BABAM2: variants seen among roughly 807,000 people sequenced by gnomAD.
BABAM2 encodes the protein BRISC and BRCA1 A complex member 2.
A neutral mutation model predicts 54.7 loss-of-function variants in BABAM2; 31 were observed. The observed-to-expected ratio is 0.57, with a 90% CI of 0.43 to 0.77. The LOEUF (loss-of-function observed/expected upper bound fraction) is 0.77, where lower values mean the gene tolerates loss of function less well. BABAM2 is among the 30% of genes least tolerant of loss of function. The pLI is 0.00. For missense variants in BABAM2, 364 were observed against 455.8 expected, an observed-to-expected ratio of 0.80 and a Z score of 1.83; for synonymous variants, 167 against 162.9, an observed-to-expected ratio of 1.03 and a Z score of -0.19.
chr2:27,912,733 A>G (rs909361578), intron 2 of BABAM2, among the ~76,000 whole-genome samples: 1 of 152,202 alleles, frequency 6.6e-6, no homozygotes, highest in Non-Finnish European at 1.5e-5. Context: ...GACCCCTTCA[A>G]ACTGGCTTGT....
intron 6 of BABAM2, among the ~76,000 whole-genome samples, chr2:28,126,986 G>T (rs1404883599): frequency 6.6e-6 from 1 of 151,060 alleles, no homozygotes; most frequent in Non-Finnish European, 1.5e-5. Context: ...TTTTTGATGG[G>T]GTTGTTTTTT....
chr2:28,050,200 G>T (rs531902899), intron 6 of BABAM2, among the ~76,000 whole-genome samples: 1 of 152,286 alleles, frequency 6.6e-6, no homozygotes, highest in South Asian at 2.1e-4. Context: ...TGTTGATGTT[G>T]TTGTTAATAT....
chr2:28,212,252 A>T (rs1163008516), intron 7 of BABAM2, among the ~76,000 whole-genome samples: 1 of 152,234 alleles, frequency 6.6e-6, no homozygotes, highest in East Asian at 1.9e-4. Flanking sequence ...CCATTCATTT[A>T]TTCAGCATTT....
In BABAM2 at chr2:28,122,726, G is replaced by A. The variant is rs966721111; in HGVS notation, c.571-6545G>A. Among the ~76,000 whole-genome samples the A allele has an allele frequency of 2.0e-5, 3 of 152,262 alleles. No individual in the cohort carries two copies. The Middle Eastern group carries it at 0.01, about 518-fold the overall frequency. On this transcript the variant is annotated intron_variant, in intron 6 of 11. Coordinates refer to ENST00000379624, the MANE Select transcript of BABAM2 (RefSeq NM_199191.3). ...ACTTGGGATAATTAGCATATCAAAG[G>A]AGTAGAGCATAATGATAAATTGTAC...
intron 7 of BABAM2, among the ~76,000 whole-genome samples, chr2:28,139,127 T>C (rs13384961): frequency 0.25 from 37,229 of 151,684 alleles, 4,763 homozygotes; most frequent in South Asian, 0.47. Context: ...AGTGTAACTA[T>C]GTTTAAACAT....
At chr2:28,254,154 T>A (rs991936130) in intron 10 of BABAM2, among the ~76,000 whole-genome samples, 6 of 152,060 alleles carry the variant, frequency 3.9e-5, no homozygotes, top group African/African-American at 1.4e-4. Context: ...GTTGGAGGAG[T>A]AGGAACTGTG....
Position 28,298,365 on chromosome 2 carries a change from A to T in BABAM2, c.962A>T (p.Asp321Val), listed in dbSNP as rs1299846870. ...HIDLPLFFPR[D>V]QPTLTFQSVY... ...GACCTGCCTCTGTTTTTCCCTCGAGACCAGCCAACTCTCACATTTCAGTCC... is the reference window on the plus strand; with the variant it reads ...GACCTGCCTCTGTTTTTCCCTCGAGTCCAGCCAACTCTCACATTTCAGTCC... The change falls in exon 11 of 12, where the codon GAC (aspartate) becomes GTC (valine). Residue 321 changes from aspartate (D) to valine (V), a missense_variant. Coordinates refer to ENST00000379624, the MANE Select transcript of BABAM2 (RefSeq NM_199191.3). 3 of 1,613,836 alleles carry T rather than the reference A, an allele frequency of 1.9e-6. No homozygotes were observed. Among genetic ancestry groups the T allele is most frequent in the Non-Finnish European group, 1.7e-6 (2 of 1,179,962 alleles).
At chr2:27,931,424 T>C (rs1035527437) in intron 3 of BABAM2, among the ~76,000 whole-genome samples, 5 of 152,198 alleles carry the variant, frequency 3.3e-5, no homozygotes, top group African/African-American at 9.6e-5. Context: ...TTAAATAATA[T>C]ACTTTTGCCT....
rs374029110 is a variant in BABAM2 at position 28,002,432 on chromosome 2, TATTA to T, written c.300+14351_300+14354del. 1.4e-4 allele frequency among the ~76,000 whole-genome samples: 21 copies of T among 152,356 alleles called. No homozygotes were observed. In the South Asian group the frequency reaches 2.7e-3, roughly 20 times the overall value. On this transcript the variant is annotated intron_variant, in intron 4 of 11. Transcript: ENST00000379624. Reference sequence around the variant, plus strand: ...TCACAGATGTTGATTTTGTGATTGTTATTAATTAAGGTATTCATTTTTGTTTTGT... The same window carrying T: ...TCACAGATGTTGATTTTGTGATTGTTATTAAGGTATTCATTTTTGTTTTGT...
intron 10 of BABAM2, among the ~76,000 whole-genome samples, chr2:28,275,223 G>A (rs1685775686): frequency 6.6e-6 from 1 of 152,228 alleles, no homozygotes; most frequent in African/African-American, 2.4e-5. Flanking sequence ...CGGATCTGAT[G>A]TCTTAAAGGA....
intron 4 of BABAM2, chr2:27,996,471 G>A (rs1201583230): frequency 6.5e-6 from 1 of 154,808 alleles, no homozygotes; most frequent in African/African-American, 2.4e-5. Flanking sequence ...ATTCTCTGTC[G>A]TTTGTCAAAT....
At chr2:27,911,565 C>A (rs1187015149) in intron 2 of BABAM2, among the ~76,000 whole-genome samples, 1 of 151,938 alleles carries the variant, frequency 6.6e-6, no homozygotes, top group Non-Finnish European at 1.5e-5. Flanking sequence ...GCTGTGGGCT[C>A]CTAAATAAAA....
intron 7 of BABAM2, among the ~76,000 whole-genome samples, chr2:28,201,361 A>G (rs1035776681): frequency 4.6e-5 from 7 of 152,160 alleles, no homozygotes; most frequent in African/African-American, 1.7e-4. Context: ...ATGTGGACCC[A>G]ATCTCAACAT....
intron 10 of BABAM2, among the ~76,000 whole-genome samples, chr2:28,278,865 G>A (rs1346120468): frequency 6.6e-6 from 1 of 152,186 alleles, no homozygotes; most frequent in East Asian, 1.9e-4. Context: ...AGAGGAGCAT[G>A]AAAAGCATTT....
At chr2:28,244,411 T>A (rs1682731036) in intron 9 of BABAM2, among the ~76,000 whole-genome samples, 1 of 151,856 alleles carries the variant, frequency 6.6e-6, no homozygotes, top group Admixed American at 6.6e-5. Context: ...GTCCTTCTAC[T>A]CATAATTAAT....
intron 2 of BABAM2, among the ~76,000 whole-genome samples, chr2:27,909,420 G>A (rs749886882): frequency 4.1e-4 from 63 of 151,858 alleles, no homozygotes; most frequent in Non-Finnish European, 8.2e-4. Context: ...TTTTTTTTTG[G>A]TATTCATTGT....
At chr2:28,071,218 T>G (rs1252789052) in intron 6 of BABAM2, among the ~76,000 whole-genome samples, 1 of 152,134 alleles carries the variant, frequency 6.6e-6, no homozygotes, top group African/African-American at 2.4e-5. Context: ...GTCTTACCCA[T>G]TGTTTTAAAT....
At chr2:28,214,253 A>G (rs139998047) in intron 7 of BABAM2, among the ~76,000 whole-genome samples, 2 of 152,316 alleles carry the variant, frequency 1.3e-5, no homozygotes, top group East Asian at 1.9e-4. Context: ...ATCATGATAC[A>G]GAACTGTTCT....
chr2:28,189,985 C>T (rs1676725134), intron 7 of BABAM2, among the ~76,000 whole-genome samples: 1 of 152,056 alleles, frequency 6.6e-6, no homozygotes, highest in African/African-American at 2.4e-5. Flanking sequence ...CAGAAATAGA[C>T]CCACACATCT....
Sources: gnomAD v4.1 joint callset for allele counts (sites outside exome capture counted in the v4.1 genomes callset) on GRCh38, gnomAD v4.1.1 for gene constraint, MANE v1.5 for transcripts, NCBI Gene and HGNC (gene_info 2026-07-23, HGNC 2026-07-21) for gene names.